The following CDH18 variants were observed in gnomAD, a reference collection of about 807,000 sequenced individuals.
The protein encoded by CDH18 is cadherin 18.
In CDH18, 31 loss-of-function variants were observed where a neutral mutation model predicts 67.9. The ratio of observed to expected loss-of-function variants is 0.46; its 90% CI spans 0.34 to 0.62. The LOEUF (loss-of-function observed/expected upper bound fraction) is 0.62. CDH18 is among the 20% of genes least tolerant of loss of function. The probability of loss-of-function intolerance (pLI) is 0.01; values close to 1 mark genes in which losing one functional copy is unlikely to be tolerated. For synonymous variants in CDH18, 362 were observed against 347.2 expected, an observed-to-expected ratio of 1.04 and a Z score of -0.48; for missense variants, 890 against 975.5, an observed-to-expected ratio of 0.91 and a Z score of 1.17.
intron 7 of CDH18, among the ~76,000 whole-genome samples, chr5:19,589,983 T>C (rs1167683298): frequency 6.6e-6 from 1 of 152,118 alleles, no homozygotes; most frequent in Non-Finnish European, 1.5e-5. Flanking sequence ...CTCTTCTTCA[T>C]AGTAAACATA....
intron 1 of CDH18, among the ~76,000 whole-genome samples, chr5:20,479,770 T>G (rs1000364515): frequency 6.6e-6 from 1 of 152,062 alleles, no homozygotes; most frequent in Non-Finnish European, 1.5e-5. Flanking sequence ...GAGAAAGTTA[T>G]CAATATTCAA....
At chr5:20,138,213 C>A (rs1185649505) in intron 2 of CDH18, among the ~76,000 whole-genome samples, 1 of 152,034 alleles carries the variant, frequency 6.6e-6, no homozygotes, top group Non-Finnish European at 1.5e-5. Context: ...AAGAAAAAAA[C>A]CACGTGATTG....
intron 2 of CDH18, among the ~76,000 whole-genome samples, chr5:19,929,398 C>T (rs1793440125): frequency 6.6e-6 from 1 of 152,010 alleles, no homozygotes; most frequent in Non-Finnish European, 1.5e-5. Context: ...CAGACTGACT[C>T]CTCAAGACTG....
At chr5:20,478,043 A>G (rs1450577917) in intron 1 of CDH18, among the ~76,000 whole-genome samples, 1 of 152,112 alleles carries the variant, frequency 6.6e-6, no homozygotes, top group Non-Finnish European at 1.5e-5. Context: ...TCAGACCTAG[A>G]AGGATTCATC....
intron 3 of CDH18, among the ~76,000 whole-genome samples, chr5:19,805,637 C>T (rs1425727766): frequency 6.6e-6 from 1 of 152,190 alleles, no homozygotes; most frequent in Non-Finnish European, 1.5e-5. Flanking sequence ...CTTCATCACT[C>T]TCATGCCCTT....
intron 3 of CDH18, among the ~76,000 whole-genome samples, chr5:19,766,630 A>T (rs2149723168): frequency 6.6e-6 from 1 of 152,312 alleles, no homozygotes; most frequent in South Asian, 2.1e-4. Context: ...GAAGGAAGGC[A>T]TCTTGATCTG....
chr5:20,289,385 G>T (rs1453485371), intron 1 of CDH18, among the ~76,000 whole-genome samples: 1 of 151,992 alleles, frequency 6.6e-6, no homozygotes, highest in African/African-American at 2.4e-5. Context: ...AGCTATAAAA[G>T]CTTTATTCCT....
chr5:20,321,668 T>C (rs1273552990), intron 1 of CDH18, among the ~76,000 whole-genome samples: 3 of 152,174 alleles, frequency 2.0e-5, no homozygotes, highest in Non-Finnish European at 2.9e-5. Flanking sequence ...TTCTCTCCTT[T>C]CTTTCTTTCC....
chr5:19,514,744 T>G (rs1212545044), intron 10 of CDH18, among the ~76,000 whole-genome samples: 2 of 152,346 alleles, frequency 1.3e-5, no homozygotes, highest in East Asian at 3.9e-4. Flanking sequence ...TTCTGGATAT[T>G]AGCCCTTTGT....
intron 5 of CDH18, among the ~76,000 whole-genome samples, chr5:19,667,477 A>G (rs959260595): frequency 5.7e-5 from 8 of 139,894 alleles, no homozygotes; most frequent in Non-Finnish European, 1.2e-4. Context: ...TATAATCACA[A>G]TGAATATATA....
At chr5:19,582,400 T>C (rs567300395) in intron 7 of CDH18, among the ~76,000 whole-genome samples, 1 of 152,032 alleles carries the variant, frequency 6.6e-6, no homozygotes, top group South Asian at 2.1e-4. Context: ...CAATTAGCTT[T>C]CAATGAAGTT....
rs145024196 is a variant in CDH18 at position 19,859,213 on chromosome 5, C to T, written c.-256-19971G>A. ...GCCATGATGGGAAGTAGGGGTGGGA[C>T]GTGCCTCATTATACTCTCCTCCCTT... On this transcript the variant is annotated intron_variant, in intron 2 of 12. Coordinates refer to ENST00000382275, the MANE Select transcript of CDH18 (RefSeq NM_004934.5). 1.7e-4 allele frequency among the ~76,000 whole-genome samples: 26 copies of T among 152,132 alleles called. No individual in the cohort carries two copies. The East Asian group carries it at 2.7e-3, about 16-fold the overall frequency.
At chr5:19,701,969 T>C (rs1008558110) in intron 5 of CDH18, among the ~76,000 whole-genome samples, 5 of 152,022 alleles carry the variant, frequency 3.3e-5, no homozygotes, top group African/African-American at 1.2e-4. Context: ...CACCAAAATG[T>C]CTACAAATAT....
intron 5 of CDH18, among the ~76,000 whole-genome samples, chr5:19,698,989 C>T (rs1446193104): frequency 1.3e-5 from 2 of 152,110 alleles, no homozygotes; most frequent in African/African-American, 4.8e-5. Context: ...GAGTCCCCAT[C>T]CTTTACAGTA....
At chr5:19,765,396 A>ATTT (rs780488691) in intron 3 of CDH18, among the ~76,000 whole-genome samples, 63 of 118,868 alleles carry the variant, frequency 5.3e-4, no homozygotes, top group Non-Finnish European at 1.1e-3. Context: ...TTCTTTTTTT[A>ATTT]TTTTTTTTTT....
intron 3 of CDH18, among the ~76,000 whole-genome samples, chr5:19,826,721 G>T (rs920208313): frequency 6.6e-6 from 1 of 152,138 alleles, no homozygotes; most frequent in Non-Finnish European, 1.5e-5. Flanking sequence ...CTAACAGGAG[G>T]TCCTTATGGG....
intron 2 of CDH18, among the ~76,000 whole-genome samples, chr5:20,073,893 T>A (rs1014512595): frequency 6.6e-6 from 1 of 152,114 alleles, no homozygotes; most frequent in Admixed American, 6.5e-5. Context: ...GTCTGGGAAG[T>A]CCTACCATTT....
In CDH18 at chr5:20,046,225, T is replaced by A. The variant is rs1019571895; in HGVS notation, c.-517-54211A>T. Among the ~76,000 whole-genome samples, 4 of 151,956 alleles carry A rather than the reference T, an allele frequency of 2.6e-5. No individual in the cohort carries two copies. In the South Asian group the frequency reaches 6.2e-4, roughly 24 times the overall value. On this transcript the variant is annotated intron_variant, in intron 2 of 14. Coordinates refer to the CDH18 transcript ENST00000507958. The stretch of plus-strand genomic sequence containing the variant: ...CCCATGGAATTTGTTGACAGATTAA[T>A]ATGAGGGATGAAAGAAGTACAGAAA...
intron 2 of CDH18, among the ~76,000 whole-genome samples, chr5:19,913,110 C>G (rs1034525837): frequency 2.0e-5 from 3 of 151,800 alleles, no homozygotes; most frequent in Non-Finnish European, 4.4e-5. Context: ...TTTTTAAAAG[C>G]AAAAATTGAC....
Sources: gnomAD v4.1 joint callset for allele counts (sites outside exome capture counted in the v4.1 genomes callset) on GRCh38, gnomAD v4.1.1 for gene constraint, MANE v1.5 for transcripts, NCBI Gene and HGNC (gene_info 2026-07-23, HGNC 2026-07-21) for gene names.